Variants in ANKRD13A observed in about 807,000 individuals in gnomAD.
ANKRD13A encodes ankyrin repeat domain 13A, also known as ankyrin repeat domain-containing protein 13A.
In ANKRD13A, 48 loss-of-function variants were observed where a neutral mutation model predicts 81.3. The ratio of observed to expected loss-of-function variants is 0.59; its 90% CI spans 0.47 to 0.75. The LOEUF is 0.75. ANKRD13A is among the 30% of genes least tolerant of loss of function. ANKRD13A has a pLI of 0.00. For missense variants in ANKRD13A, 612 were observed against 734.0 expected, an observed-to-expected ratio of 0.83 and a Z score of 1.92; for synonymous variants, 230 against 270.1, an observed-to-expected ratio of 0.85 and a Z score of 1.45.
chr12:110,034,403 G>A (rs1428580396), intron 13 of ANKRD13A, among the ~76,000 whole-genome samples: 1 of 152,144 alleles, frequency 6.6e-6, no homozygotes, highest in Non-Finnish European at 1.5e-5. Context: ...TAGTGAAACA[G>A]AAAATGAAGG....
At chr12:110,002,467 A>T (rs1272294716) in intron 1 of ANKRD13A, among the ~76,000 whole-genome samples, 1 of 152,040 alleles carries the variant, frequency 6.6e-6, no homozygotes, top group South Asian at 2.1e-4. Flanking sequence ...AAATACAAAA[A>T]TAGCTGGATG....
intron 3 of ANKRD13A, among the ~76,000 whole-genome samples, chr12:110,015,597 G>T (rs1890749058): frequency 6.6e-6 from 1 of 152,098 alleles, no homozygotes; most frequent in South Asian, 2.1e-4. Flanking sequence ...TGTTGCCCAG[G>T]CTGGAATAGT....
chr12:110,030,977 C>T (rs1326797597), intron 12 of ANKRD13A, among the ~76,000 whole-genome samples: 1 of 151,966 alleles, frequency 6.6e-6, no homozygotes, highest in African/African-American at 2.4e-5. Context: ...TGCCTGTAAT[C>T]CCAGCTACTC....
intron 14 of ANKRD13A, 27 bp from the exon 15 acceptor site, chr12:110,037,332 T>A (rs761649207): frequency 1.3e-6 from 2 of 1,598,630 alleles, no homozygotes; most frequent in Admixed American, 3.5e-5. Flanking sequence ...GTAGTGACTC[T>A]CCCTTTTTAT....
rs909308808 is a variant in ANKRD13A, at chr12:110,000,219, T to C, written c.96+435T>C. Among the ~76,000 whole-genome samples, 3 of 152,140 alleles carry C rather than the reference T, an allele frequency of 2.0e-5. No individual in the cohort carries two copies. In the South Asian group the frequency reaches 6.2e-4, roughly 31 times the overall value. ...CTCCTTGTTGTAAGGAAGGGCTTGGTTGGTTTTGGAGTCCAGGTTCTAACT... is the reference window on the plus strand; with the variant it reads ...CTCCTTGTTGTAAGGAAGGGCTTGGCTGGTTTTGGAGTCCAGGTTCTAACT... On this transcript the variant is annotated intron_variant, in intron 1 of 14. Transcript: ENST00000261739.
At chr12:110,015,070 C>T (rs1890724470) in intron 3 of ANKRD13A, among the ~76,000 whole-genome samples, 1 of 152,100 alleles carries the variant, frequency 6.6e-6, no homozygotes, top group Non-Finnish European at 1.5e-5. Context: ...GCCAGTGCGC[C>T]CGGCCGCATT....
intron 7 of ANKRD13A, 108 bp downstream of exon 7, chr12:110,024,220 G>T (rs769908812): frequency 1.0e-6 from 1 of 980,220 alleles, no homozygotes; most frequent in Non-Finnish European, 1.5e-6. Context: ...AGATGCTCTG[G>T]GGAATGAGAA....
At chr12:110,024,746 T>C (rs894559667) in intron 7 of ANKRD13A, among the ~76,000 whole-genome samples, 6 of 152,238 alleles carry the variant, frequency 3.9e-5, no homozygotes, top group Admixed American at 6.5e-5. Flanking sequence ...CTCAGCAAGA[T>C]ACATTTAGAA....
intron 2 of ANKRD13A, among the ~76,000 whole-genome samples, chr12:110,012,847 A>C (rs982167971): frequency 6.6e-6 from 1 of 152,174 alleles, no homozygotes; most frequent in Non-Finnish European, 1.5e-5. Flanking sequence ...TCGTATAGTT[A>C]AAGCCAACTG....
Position 110,030,712 on chromosome 12 carries a change from C to A in ANKRD13A, c.1302C>A (p.Ala434=). The A allele has an allele frequency of 6.2e-7, 1 of 1,608,668 alleles. No individual in the cohort carries two copies. Among genetic ancestry groups the A allele is most frequent in the Non-Finnish European group, 8.5e-7 (1 of 1,177,142 alleles). The change falls in exon 12 of 15, where the codon GCC becomes GCA. Residue 434 remains alanine (A), a synonymous_variant. Coordinates refer to ENST00000261739, the MANE Select transcript of ANKRD13A (RefSeq NM_033121.2). The stretch of plus-strand genomic sequence containing the variant: ...GAAATGTTAATGGCTGTAGCACTGC[C>A]GAAGAATCTGTATCTCAAAATGTGG... ...TFGNVNGCST[A]EESVSQNVEG...
intron 12 of ANKRD13A, chr12:110,032,395 A>G (rs555452346): frequency 2.6e-5 from 4 of 152,336 alleles, no homozygotes; most frequent in African/African-American, 9.6e-5. Flanking sequence ...TAAGACTTCA[A>G]ATAAAAACAA....
At chr12:110,009,269 C>T (rs1212285425) in intron 1 of ANKRD13A, among the ~76,000 whole-genome samples, 1 of 151,944 alleles carries the variant, frequency 6.6e-6, no homozygotes, top group African/African-American at 2.4e-5. Flanking sequence ...TTAGTAGAGA[C>T]GGGGTTTCTC....
chr12:110,027,058 T>C (rs1174135049), intron 8 of ANKRD13A: 2 of 152,290 alleles, frequency 1.3e-5, no homozygotes, highest in Non-Finnish European at 1.5e-5. Flanking sequence ...ATATTTATCA[T>C]TGGAATGAGT....
chr12:110,034,375 A>T (rs927633386), intron 13 of ANKRD13A, among the ~76,000 whole-genome samples: 1 of 152,114 alleles, frequency 6.6e-6, no homozygotes, highest in African/African-American at 2.4e-5. Flanking sequence ...CCATCTCCCT[A>T]AACTCTCTCT....
At chr12:110,009,889 G>T (rs1015026631) in intron 1 of ANKRD13A, among the ~76,000 whole-genome samples, 7 of 152,186 alleles carry the variant, frequency 4.6e-5, no homozygotes, top group Admixed American at 4.6e-4. Flanking sequence ...TTTTGAGACG[G>T]AGTCTCGCTC....
intron 7 of ANKRD13A, among the ~76,000 whole-genome samples, chr12:110,025,195 A>C (rs751308864): frequency 6.6e-6 from 1 of 152,112 alleles, no homozygotes; most frequent in Non-Finnish European, 1.5e-5. Flanking sequence ...GTCTCTACTA[A>C]AAATACGAAA....
intron 8 of ANKRD13A, among the ~76,000 whole-genome samples, chr12:110,026,182 C>G (rs561262526): frequency 6.6e-6 from 1 of 151,584 alleles, no homozygotes; most frequent in African/African-American, 2.4e-5. Flanking sequence ...AGGCTGGTCT[C>G]GAACTCCTGA....
At chr12:110,035,160 G>T (rs1021980742) in intron 13 of ANKRD13A, among the ~76,000 whole-genome samples, 3 of 152,130 alleles carry the variant, frequency 2.0e-5, no homozygotes, top group Non-Finnish European at 4.4e-5. Flanking sequence ...CATCAGCCTG[G>T]TATGCTTTTC....
Position 110,012,009 on chromosome 12 carries a change from T to C in ANKRD13A, c.101T>C (p.Val34Ala), listed in dbSNP as rs773139784. The C allele has an allele frequency of 6.2e-7, 1 of 1,603,242 alleles. No individual in the cohort carries two copies. The highest frequency in any genetic ancestry group is 8.5e-7 in the Non-Finnish European group (1 of 1,170,890). The change falls in exon 2 of 15, where the codon GTG (valine) becomes GCG (alanine). Residue 34 changes from valine (V) to alanine (A), a missense_variant. Physicochemically the swap from Val to Ala is moderately conservative, Grantham distance 64. Transcript: ENST00000261739. ...ATGCCAGTGTTTCCTTCACAGAATG[T>C]GGAGGCTGTGGACCCACGAGGTCGA... ...QLEKELQGQN[V>A]EAVDPRGRTL... is the part of the protein sequence containing the mutation.
Sources: allele counts gnomAD v4.1 joint callset (sites outside exome capture counted in the v4.1 genomes callset), GRCh38; gene constraint gnomAD v4.1.1; transcripts MANE v1.5; gene names NCBI Gene and HGNC (gene_info 2026-07-23, HGNC 2026-07-21).